Variants in NIN observed in about 807,000 individuals in gnomAD.
NIN encodes ninein, also known as glycogen synthase kinase 3 beta-interacting protein.
In NIN, 137 loss-of-function variants were observed where a neutral mutation model predicts 257.6. The ratio of observed to expected loss-of-function variants is 0.53; its 90% CI spans 0.46 to 0.61. The LOEUF (loss-of-function observed/expected upper bound fraction) is 0.61, where lower values mean the gene tolerates loss of function less well. Ranked by LOEUF, NIN falls within the 20% of genes least tolerant of loss-of-function variation. NIN has a pLI of 0.00. For missense variants in NIN, 2,439 were observed against 2,501.2 expected, an observed-to-expected ratio of 0.98 and a Z score of 0.53; for synonymous variants, 918 against 919.8, an observed-to-expected ratio of 1.00 and a Z score of 0.04.
chr14:50,756,926 CTGAT>C lies in NIN; in HGVS notation c.4100_4103del (p.Asn1367ArgfsTer17), dbSNP rs768226500. The C allele has an allele frequency of 1.7e-5, 26 of 1,570,890 alleles. No individual in the cohort carries two copies. The highest frequency in any genetic ancestry group is 2.2e-5 in the Non-Finnish European group (26 of 1,156,296). On this transcript the variant is annotated frameshift_variant, in exon 18 of 31. Coordinates refer to ENST00000530997, the MANE Select transcript of NIN (RefSeq NM_020921.4). LOFTEE classifies it high-confidence loss of function. ...CCCTGGGCACACACTCTTCCAGTGTCTGATTGAGCTGGAGTATATTTCCATCAGG... is the reference window on the plus strand; with the variant it reads ...CCCTGGGCACACACTCTTCCAGTGTCTGAGCTGGAGTATATTTCCATCAGG...
intron 30 of NIN, among the ~76,000 whole-genome samples, chr14:50,725,335 A>C (rs1050178167): frequency 1.3e-5 from 2 of 152,000 alleles, no homozygotes; most frequent in Non-Finnish European, 2.9e-5. Context: ...ATGCGCAACT[A>C]ATTTCTAAAC....
At chr14:50,778,841 C>T (rs1283425016) in intron 5 of NIN, 37 bp from the exon 6 acceptor site, 2 of 1,609,492 alleles carry the variant, frequency 1.2e-6, no homozygotes, top group Admixed American at 1.7e-5. Context: ...TGCTTTAGAA[C>T]TTATTCAGAA....
At chr14:50,767,301 C>A (rs188785167) in intron 12 of NIN, among the ~76,000 whole-genome samples, 3 of 152,186 alleles carry the variant, frequency 2.0e-5, no homozygotes, top group Non-Finnish European at 4.4e-5. Flanking sequence ...CTGGATTAAA[C>A]AAGATTATTT....
At chr14:50,779,554 C>G (rs1284924175) in intron 5 of NIN, among the ~76,000 whole-genome samples, 1 of 151,966 alleles carries the variant, frequency 6.6e-6, no homozygotes, top group Non-Finnish European at 1.5e-5. Flanking sequence ...GTCAGGAGAT[C>G]GAGACCATCC....
chr14:50,811,177 T>G, intron 3 of NIN, among the ~76,000 whole-genome samples: 1 of 150,462 alleles, frequency 6.6e-6, no homozygotes, highest in South Asian at 2.1e-4. Context: ...GGCGCAATCT[T>G]GGCTCACTGC....
rs1362060563 is a variant in NIN, at chr14:50,720,484, TAGTGC to T, written c.*2974_*2978del. The T allele has an allele frequency of 1.4e-5, 3 of 209,518 alleles. No individual in the cohort carries two copies. The highest frequency in any genetic ancestry group is 1.4e-4 in the East Asian group (2 of 13,848). 13.0% of individuals were successfully genotyped at this position (209,518 alleles called of 1,614,324 possible). A position where few individuals can be genotyped will look rare whatever the true frequency, so the allele number is the denominator to read the frequency against. ...TTCTCATAATATCTGCCCTGGGTAA[TAGTGC>T]ATTATTAAAATACTAGACCTGCAAG... On this transcript the variant is annotated 3_prime_UTR_variant, in exon 31 of 31. Transcript: ENST00000530997.
At chr14:50,744,005 T>A (rs763357288) in intron 23 of NIN, among the ~76,000 whole-genome samples, 2 of 152,254 alleles carry the variant, frequency 1.3e-5, no homozygotes, top group African/African-American at 4.8e-5. Context: ...CACTGTGATG[T>A]GATAAGAAAC....
Position 50,770,460 on chromosome 14 carries a change from T to C in NIN, c.1362A>G (p.Glu454=), listed in dbSNP as rs1488777522. The C allele has an allele frequency of 2.5e-6, 4 of 1,614,214 alleles. No homozygotes were observed. In the Admixed American group the frequency reaches 5.0e-5, roughly 20 times the overall value. Residue 454 remains glutamate (E), a synonymous_variant, in exon 12 of 31, where the codon GAA becomes GAG. Transcript: ENST00000530997. ...ILQQAGKQRL[E]LEQEIEKAKT... ...TTGCCTTTTCAATTTCCTGTTCAAGTTCTAAACGCTGCTTGCCTGCCTGCT... is the reference window on the plus strand; with the variant it reads ...TTGCCTTTTCAATTTCCTGTTCAAGCTCTAAACGCTGCTTGCCTGCCTGCT...
At chr14:50,828,267 T>C (rs914174776) in intron 2 of NIN, among the ~76,000 whole-genome samples, 7 of 152,228 alleles carry the variant, frequency 4.6e-5, no homozygotes, top group Non-Finnish European at 1.0e-4. Flanking sequence ...CAACTTTGTT[T>C]TTAAAGTGAG....
At chr14:50,724,135 G>C (rs964022137) in intron 30 of NIN, 9 of 190,760 alleles carry the variant, frequency 4.7e-5, no homozygotes, top group Middle Eastern at 3.9e-3. Context: ...ACAGAGATAA[G>C]ATTTGGGCAG....
chr14:50,793,554 A>C (rs1039608019), intron 4 of NIN, among the ~76,000 whole-genome samples: 5 of 152,256 alleles, frequency 3.3e-5, no homozygotes, highest in African/African-American at 1.2e-4. Flanking sequence ...GTATTATTTT[A>C]TCTCTTTGTA....
intron 14 of NIN, among the ~76,000 whole-genome samples, chr14:50,764,828 G>A (rs1224348325): frequency 6.6e-6 from 1 of 152,004 alleles, no homozygotes; most frequent in Non-Finnish European, 1.5e-5. Flanking sequence ...AGAGATTATG[G>A]CTAAGTGGAG....
intron 30 of NIN, among the ~76,000 whole-genome samples, chr14:50,724,498 A>G (rs1353458046): frequency 5.9e-5 from 9 of 152,314 alleles, no homozygotes; most frequent in Admixed American, 5.9e-4. Flanking sequence ...ATAACATTTC[A>G]GAACATATTT....
chr14:50,746,486 T>C (rs1355568699), intron 22 of NIN, among the ~76,000 whole-genome samples: 1 of 152,208 alleles, frequency 6.6e-6, no homozygotes, highest in Non-Finnish European at 1.5e-5. Flanking sequence ...TTTATAATGC[T>C]ATTAAAAAAG....
rs1286886722 is a variant in NIN, at chr14:50,738,303, T to C, written c.5629-17A>G. On this transcript the variant is annotated splice_polypyrimidine_tract_variant and intron_variant, in intron 26 of 30. Transcript: ENST00000530997. ...CTGACGGACCTAACAGGAACAAATG[T>C]AAGAGGAAAAAATGCTAATACAATC... 1.2e-6 allele frequency: 2 copies of C among 1,604,336 alleles called. No homozygotes were observed. The highest frequency in any genetic ancestry group is 1.7e-6 in the Non-Finnish European group (2 of 1,176,642).
At chr14:50,802,207 G>A (rs886138145) in intron 4 of NIN, among the ~76,000 whole-genome samples, 3 of 152,252 alleles carry the variant, frequency 2.0e-5, no homozygotes, top group South Asian at 4.2e-4. Flanking sequence ...AATCAGTTTG[G>A]AATTTACAAA....
At chr14:50,774,539 T>C (rs1221115985) in intron 7 of NIN, among the ~76,000 whole-genome samples, 2 of 152,192 alleles carry the variant, frequency 1.3e-5, no homozygotes, top group Non-Finnish European at 2.9e-5. Flanking sequence ...GGGGCAAGAT[T>C]CTGAGGTTGC....
chr14:50,777,187 G>T, intron 6 of NIN, 48 bp from the exon 7 acceptor site: 1 of 1,414,440 alleles, frequency 7.1e-7, no homozygotes, highest in Non-Finnish European at 9.6e-7. Context: ...ATTGCAAAGA[G>T]AGAGTGCCTA....
At chr14:50,759,790 C>A (rs1243303250) in intron 17 of NIN, 67 bp downstream of exon 17, 3 of 1,519,296 alleles carry the variant, frequency 2.0e-6, no homozygotes, top group Middle Eastern at 1.9e-4. Context: ...CGCCCAGCCA[C>A]AACTGGCACT....
Sources: gnomAD v4.1 joint callset for allele counts (sites outside exome capture counted in the v4.1 genomes callset) on GRCh38, gnomAD v4.1.1 for gene constraint, MANE v1.5 for transcripts, NCBI Gene and HGNC (gene_info 2026-07-23, HGNC 2026-07-21) for gene names.